Variants in SLC35F4 observed in about 807,000 individuals in gnomAD.
SLC35F4 encodes chromosome 14 open reading frame 36.
In SLC35F4, 24 loss-of-function variants were observed where a neutral mutation model predicts 44.2. That is an observed-to-expected ratio of 0.54 (90% CI 0.39 to 0.76). SLC35F4 has a LOEUF of 0.76. Ranked by LOEUF, SLC35F4 falls within the 30% of genes least tolerant of loss-of-function variation. The pLI is 0.00. For synonymous variants in SLC35F4, 238 were observed against 223.6 expected, an observed-to-expected ratio of 1.06 and a Z score of -0.57; for missense variants, 562 against 586.1, an observed-to-expected ratio of 0.96 and a Z score of 0.42.
chr14:57,704,772 G>A (rs528962374), intron 1 of SLC35F4, among the ~76,000 whole-genome samples: 33 of 152,286 alleles, frequency 2.2e-4, no homozygotes, highest in African/African-American at 7.7e-4. Context: ...TACACAGGAA[G>A]TCAACCAAAA....
At chr14:57,749,688 C>T (rs886844084) in intron 1 of SLC35F4, among the ~76,000 whole-genome samples, 3 of 152,142 alleles carry the variant, frequency 2.0e-5, no homozygotes, top group Admixed American at 6.5e-5. Context: ...ATAGAGCCTC[C>T]TTTGGGGACT....
chr14:57,609,912 A>C (rs543266658), intron 1 of SLC35F4, among the ~76,000 whole-genome samples: 1 of 152,152 alleles, frequency 6.6e-6, no homozygotes, highest in African/African-American at 2.4e-5. Flanking sequence ...CCTAGCCTCC[A>C]GGAAACTGGC....
intron 1 of SLC35F4, among the ~76,000 whole-genome samples, chr14:57,758,967 T>A (rs1469390701): frequency 6.6e-6 from 1 of 152,168 alleles, no homozygotes; most frequent in African/African-American, 2.4e-5. Context: ...ACACCTCATA[T>A]AAGTGGAATC....
At chr14:57,899,826 C>G (rs899857657) in intron 1 of SLC35F4, among the ~76,000 whole-genome samples, 1 of 152,142 alleles carries the variant, frequency 6.6e-6, no homozygotes, top group Admixed American at 6.5e-5. Context: ...AGCCGTGGAC[C>G]TTTGCGGTGA....
chr14:57,835,120 A>G (rs1884782022), intron 1 of SLC35F4, among the ~76,000 whole-genome samples: 1 of 152,386 alleles, frequency 6.6e-6, no homozygotes, highest in South Asian at 2.1e-4. Flanking sequence ...CCACAGAAAC[A>G]TGAAAATAGA....
In SLC35F4 at chr14:57,637,730, A is replaced by G. The variant is rs376349314; in HGVS notation, c.104-43606T>C. 2.8e-4 allele frequency among the ~76,000 whole-genome samples: 43 copies of G among 152,246 alleles called. No homozygotes were observed. The East Asian group carries it at 5.0e-3, about 18-fold the overall frequency. On this transcript the variant is annotated intron_variant, in intron 1 of 7. Coordinates refer to ENST00000556826, the MANE Select transcript of SLC35F4 (RefSeq NM_001306087.2). Reference sequence around the variant, plus strand: ...TGTAATACAAACATTATTACAAACAATTCCTGAGGAGACTAGGGCATGAAG... The same window carrying G: ...TGTAATACAAACATTATTACAAACAGTTCCTGAGGAGACTAGGGCATGAAG...
chr14:57,590,032 C>T (rs1453283703), intron 2 of SLC35F4, among the ~76,000 whole-genome samples: 5 of 151,824 alleles, frequency 3.3e-5, no homozygotes, highest in African/African-American at 9.7e-5. Context: ...TCTGTATGCA[C>T]CAACATGAAA....
intron 1 of SLC35F4, among the ~76,000 whole-genome samples, chr14:57,689,576 T>C (rs951600931): frequency 1.3e-5 from 2 of 152,044 alleles, no homozygotes; most frequent in African/African-American, 4.8e-5. Context: ...AAATTGAATA[T>C]ATCATTCCTT....
intron 1 of SLC35F4, among the ~76,000 whole-genome samples, chr14:57,701,029 G>GT (rs760744754): frequency 1.9e-4 from 29 of 152,048 alleles, no homozygotes; most frequent in Non-Finnish European, 3.7e-4. Context: ...TAAAGACAGG[G>GT]TCTCACTATG....
intron 1 of SLC35F4, among the ~76,000 whole-genome samples, chr14:57,713,551 T>C (rs1047056380): frequency 2.0e-5 from 3 of 152,226 alleles, no homozygotes; most frequent in Non-Finnish European, 2.9e-5. Context: ...AATTAAGTTT[T>C]TCCCCCTTCA....
At chr14:57,605,667 GCAGCAC>G (rs1234813915) in intron 1 of SLC35F4, among the ~76,000 whole-genome samples, 1 of 151,824 alleles carries the variant, frequency 6.6e-6, no homozygotes, top group East Asian at 1.9e-4. Context: ...TATGTTCATA[GCAGCAC>G]TATTTACAAT....
intron 1 of SLC35F4, among the ~76,000 whole-genome samples, chr14:57,680,294 G>A (rs572333864): frequency 6.6e-6 from 1 of 152,216 alleles, no homozygotes; most frequent in East Asian, 1.9e-4. Context: ...CTCAACAGAT[G>A]TAGAAAAGGC....
intron 1 of SLC35F4, among the ~76,000 whole-genome samples, chr14:57,925,527 GAGGGAGGGAGGGAGGGAGGA>G (rs1258954286): frequency 0.14 from 13,690 of 96,140 alleles, 1,122 homozygotes; most frequent in Middle Eastern, 0.19. Context: ...GGGAGGGAGG[GAGGGAGGGAGGGAGGGAGGA>G]AGGAAGGAAG....
At chr14:57,672,785 T>A (rs1394586405) in intron 1 of SLC35F4, among the ~76,000 whole-genome samples, 1 of 442 alleles carries the variant, frequency 2.3e-3, no homozygotes, top group Non-Finnish European at 0.12. Flanking sequence ...TTTATTTTAT[T>A]TTTTTTTTTT....
intron 1 of SLC35F4, among the ~76,000 whole-genome samples, chr14:57,696,987 G>A (rs2075402496): frequency 6.6e-6 from 1 of 152,150 alleles, no homozygotes; most frequent in Non-Finnish European, 1.5e-5. Flanking sequence ...TTAAACCCTA[G>A]ATGACGGGTT....
chr14:57,788,785 T>C (rs185264691), intron 1 of SLC35F4, among the ~76,000 whole-genome samples: 1 of 151,792 alleles, frequency 6.6e-6, no homozygotes, highest in Admixed American at 6.6e-5. Context: ...CCTCGACAAA[T>C]GCAAAAGAAC....
At position 57,820,939 on chromosome 14, in the gene SLC35F4, A is replaced by C. The variant is rs903304177; in HGVS notation, c.103+44784T>G. 1.2e-4 allele frequency among the ~76,000 whole-genome samples: 18 copies of C among 152,382 alleles called. No homozygotes were observed. The South Asian group carries it at 1.4e-3, about 12-fold the overall frequency. ...TAACAAAAAGAGAAAGCTTGCTATC[A>C]CATAAGGCTTATAAAACACCTATTC... On this transcript the variant is annotated intron_variant, in intron 1 of 7. Transcript: ENST00000556826.
intron 1 of SLC35F4, among the ~76,000 whole-genome samples, chr14:57,731,709 A>T (rs934511615): frequency 6.6e-6 from 1 of 152,190 alleles, no homozygotes; most frequent in African/African-American, 2.4e-5. Flanking sequence ...TTAAAGTCAG[A>T]GTTGATTTCT....
At chr14:57,660,244 T>C (rs751366510) in intron 1 of SLC35F4, among the ~76,000 whole-genome samples, 2 of 152,144 alleles carry the variant, frequency 1.3e-5, no homozygotes, top group Non-Finnish European at 2.9e-5. Context: ...AAATGCATGT[T>C]TATGCACATA....
Sources: allele counts gnomAD v4.1 joint callset (sites outside exome capture counted in the v4.1 genomes callset), GRCh38; gene constraint gnomAD v4.1.1; transcripts MANE v1.5; gene names NCBI Gene and HGNC (gene_info 2026-07-23, HGNC 2026-07-21).